NSL1: variants seen among roughly 807,000 people sequenced by gnomAD.
NSL1 encodes kinetochore-associated protein NSL1 homolog.
NSL1 carries 11 observed loss-of-function variants against 25.4 expected under a neutral mutation model. That is an observed-to-expected ratio of 0.43 (90% CI 0.27 to 0.72). The LOEUF is 0.72. Among genes scored for constraint, NSL1 ranks in the 30% least tolerant of loss-of-function variants. NSL1 has a pLI of 0.19. For synonymous variants in NSL1, 118 were observed against 120.6 expected (o/e 0.98, Z 0.14); for missense variants, 330 against 342.7 (o/e 0.96, Z 0.29).
rs1359876311 is a variant in NSL1 at position 212,734,058 on chromosome 1, AT to A, written c.*4349del. Among the ~76,000 whole-genome samples, 2 of 152,146 alleles carry A rather than the reference AT, an allele frequency of 1.3e-5. No homozygotes were observed. The highest frequency in any genetic ancestry group is 3.9e-4 in the East Asian group (2 of 5,192). ...ACTGAATTTTTATTTCAACTTTCAT[AT>A]TTTTAATTTTCAAAAACTTTTTCTT... On this transcript the variant is annotated 3_prime_UTR_variant, in exon 6 of 6. Coordinates refer to ENST00000366977, the MANE Select transcript of NSL1 (RefSeq NM_015471.4).
intron 4 of NSL1, chr1:212,763,956 C>G: frequency 2.6e-6 from 1 of 383,906 alleles, no homozygotes; most frequent in Non-Finnish European, 5.1e-6. Context: ...CAACATTCTT[C>G]CCAACAACTG....
chr1:212,785,464 A>G (rs916487760), intron 2 of NSL1, among the ~76,000 whole-genome samples: 1 of 152,034 alleles, frequency 6.6e-6, no homozygotes, highest in Non-Finnish European at 1.5e-5. Flanking sequence ...TACATTAGAT[A>G]TATCTCCTAA....
At chr1:212,765,065 A>G (rs577653429) in intron 4 of NSL1, among the ~76,000 whole-genome samples, 2 of 152,072 alleles carry the variant, frequency 1.3e-5, no homozygotes, top group African/African-American at 4.8e-5. Context: ...CAGACCAATA[A>G]CAAGCAGTGA....
At chr1:212,766,297 C>T in intron 4 of NSL1, 1 of 601,106 alleles carries the variant, frequency 1.7e-6, no homozygotes, top group Non-Finnish European at 2.9e-6. Context: ...AAGATGCCCA[C>T]TTTCACCACT....
intron 4 of NSL1, among the ~76,000 whole-genome samples, chr1:212,780,986 T>A (rs919495125): frequency 6.6e-6 from 1 of 152,188 alleles, no homozygotes; most frequent in Non-Finnish European, 1.5e-5. Flanking sequence ...ATGAAACTGA[T>A]GCTTGAAGAA....
chr1:212,729,032 T>A lies in NSL1; in HGVS notation c.*9376A>T. ...AGTCATTTGTCAATCTGAAATTTTT[T>A]TTAAAGGAAGAATACTTGGGTTGGG... is the stretch of plus-strand genomic sequence containing the variant. On this transcript the variant is annotated 3_prime_UTR_variant, in exon 6 of 6. Coordinates refer to ENST00000366977, the MANE Select transcript of NSL1 (RefSeq NM_015471.4). 1.0e-6 allele frequency: 1 copy of A among 985,428 alleles called. No individual in the cohort carries two copies. Among genetic ancestry groups the A allele is most frequent in the Non-Finnish European group, 1.2e-6 (1 of 829,912 alleles). 61.0% of individuals were successfully genotyped at this position (985,428 alleles called of 1,614,324 possible).
chr1:212,732,614 T>C lies in NSL1; in HGVS notation c.*5794A>G. ...CGGCCTACATAGTCTTATTCCAACC[T>C]GGTCTGCCTAGTCTCCAAATCTGCT... On this transcript the variant is annotated 3_prime_UTR_variant, in exon 6 of 6. Coordinates refer to ENST00000366977, the MANE Select transcript of NSL1 (RefSeq NM_015471.4). The C allele has an allele frequency of 1.0e-6, 1 of 985,360 alleles. No homozygotes were observed. The highest frequency in any genetic ancestry group is 1.2e-6 in the Non-Finnish European group (1 of 829,904). 61.0% of individuals were successfully genotyped at this position (985,360 alleles called of 1,614,324 possible).
At position 212,782,438 on chromosome 1, in the gene NSL1, ATAAAT is replaced by A. The variant is rs765835875; in HGVS notation, c.445-17_445-13del. 8 of 1,584,952 alleles carry A rather than the reference ATAAAT, an allele frequency of 5.0e-6. No individual in the cohort carries two copies. Among genetic ancestry groups the A allele is most frequent in the African/African-American group, 2.7e-5 (2 of 74,290 alleles). ...GGGTGGTACTGCTTCTAAACATAAC[ATAAAT>A]TAAAACAGATTTAATCACTTAATGC... On this transcript the variant is annotated splice_polypyrimidine_tract_variant and intron_variant, in intron 3 of 5. Transcript: ENST00000366977.
Position 212,784,466 on chromosome 1 carries a change from T to C in NSL1, c.341A>G (p.Gln114Arg), listed in dbSNP as rs768030757. 3 of 1,576,174 alleles carry C rather than the reference T, an allele frequency of 1.9e-6. No individual in the cohort carries two copies. Among genetic ancestry groups the C allele is most frequent in the Non-Finnish European group, 2.6e-6 (3 of 1,153,580 alleles). ...MDSDIKVLED[Q>R]FDEIIVDIAT... The stretch of plus-strand genomic sequence containing the variant: ...TATATCTACTATGATTTCATCAAAC[T>C]GATCTTCAAGTACTTTGATGTCAGA... The change falls in exon 3 of 6, where the codon CAG becomes CGG. Residue 114 changes from glutamine (Q) to arginine (R), a missense_variant. Gln to Arg is a conservative substitution (Grantham distance 43). Coordinates refer to ENST00000366977, the MANE Select transcript of NSL1 (RefSeq NM_015471.4).
At position 212,736,955 on chromosome 1, in the gene NSL1, T is replaced by A; in HGVS notation, c.*1453A>T. 6 of 984,560 alleles carry A rather than the reference T, an allele frequency of 6.1e-6. No homozygotes were observed. Among genetic ancestry groups the A allele is most frequent in the Non-Finnish European group, 7.2e-6 (6 of 829,134 alleles). 61.0% of individuals were successfully genotyped at this position (984,560 alleles called of 1,614,324 possible). ...ATAGAATTAACAATAACTCTTTTGT[T>A]TGGGGACCTCTGAAGTGAAACAAAT... On this transcript the variant is annotated 3_prime_UTR_variant, in exon 6 of 6. Coordinates refer to ENST00000366977, the MANE Select transcript of NSL1 (RefSeq NM_015471.4).
Position 212,727,311 on chromosome 1 carries a change from C to A in NSL1, c.*11097G>T. On this transcript the variant is annotated 3_prime_UTR_variant, in exon 6 of 6. Coordinates refer to ENST00000366977, the MANE Select transcript of NSL1 (RefSeq NM_015471.4). ...TTGTTCCAGGCAGGGCCCAGGATCC[C>A]CTTCCAAATTACTGAGGGGCAGTAA... 1 of 1,292,318 alleles carries A rather than the reference C, an allele frequency of 7.7e-7. No individual in the cohort carries two copies. Among genetic ancestry groups the A allele is most frequent in the South Asian group, 2.6e-5 (1 of 37,934 alleles). The allele number at this position is 1,292,318 out of a possible 1,614,324, so 80.1% of individuals were successfully genotyped here. A position where few individuals can be genotyped will look rare whatever the true frequency, so the allele number is the denominator to read the frequency against.
At chr1:212,775,336 A>C (rs1425464680) in intron 4 of NSL1, among the ~76,000 whole-genome samples, 1 of 152,222 alleles carries the variant, frequency 6.6e-6, no homozygotes, top group African/African-American at 2.4e-5. Context: ...ATGATGTTGC[A>C]TAACTCTGTG....
intron 4 of NSL1, among the ~76,000 whole-genome samples, chr1:212,771,530 C>T (rs1364821399): frequency 7.0e-6 from 1 of 143,844 alleles, no homozygotes. Context: ...CAGAAGGCTT[C>T]CAAACTGGAA....
intron 4 of NSL1, among the ~76,000 whole-genome samples, chr1:212,764,294 T>C (rs1659699676): frequency 6.6e-6 from 1 of 152,176 alleles, no homozygotes; most frequent in Middle Eastern, 3.2e-3. Flanking sequence ...AGAGGAAAGT[T>C]CACAGTGTTA....
At position 212,735,840 on chromosome 1, in the gene NSL1, C is replaced by A. The variant is rs1420628712; in HGVS notation, c.*2568G>T. On this transcript the variant is annotated 3_prime_UTR_variant, in exon 6 of 6. Coordinates refer to ENST00000366977, the MANE Select transcript of NSL1 (RefSeq NM_015471.4). ...TCGGGAAGACAGCCCTCACCAGAAA[C>A]TGCATTTGCCAGCACCTTCTCATGG... 3 of 616,348 alleles carry A rather than the reference C, an allele frequency of 4.9e-6. No individual in the cohort carries two copies. The highest frequency in any genetic ancestry group is 6.1e-6 in the Non-Finnish European group (3 of 493,010). The allele number at this position is 616,348 out of a possible 1,614,324, so 38.2% of individuals were successfully genotyped here.
At chr1:212,764,443 AC>A (rs1350333919) in intron 4 of NSL1, among the ~76,000 whole-genome samples, 1 of 152,228 alleles carries the variant, frequency 6.6e-6, no homozygotes, top group African/African-American at 2.4e-5. Context: ...TGAAATTGAA[AC>A]AAACAAAAAA....
At position 212,732,113 on chromosome 1, in the gene NSL1, T is replaced by C. The variant is rs974760368; in HGVS notation, c.*6295A>G. 1 of 983,974 alleles carries C rather than the reference T, an allele frequency of 1.0e-6. No individual in the cohort carries two copies. The highest frequency in any genetic ancestry group is 1.1e-4 in the East Asian group (1 of 8,814). The allele number at this position is 983,974 out of a possible 1,614,324, so 61.0% of individuals were successfully genotyped here. On this transcript the variant is annotated 3_prime_UTR_variant, in exon 6 of 6. Coordinates refer to ENST00000366977, the MANE Select transcript of NSL1 (RefSeq NM_015471.4). Reference sequence around the variant, plus strand: ...AATATTGTTCACTGGAGAACTAATTTGTAACCATGATTACATTTCTTTTTT... The same window carrying C: ...AATATTGTTCACTGGAGAACTAATTCGTAACCATGATTACATTTCTTTTTT...
Position 212,738,447 on chromosome 1 carries a change from C to A in NSL1, c.807G>T (p.Trp269Cys). ...TAATTTTCTTTGGCCGCAATGGATA[C>A]CATTTTCTCTGGGGGCAGTCTTTAG... ...KQTKDCPQRK[W>C]YPLRPKKINL... Residue 269 changes from tryptophan to cysteine, a missense_variant, in exon 6 of 6, where the codon TGG becomes TGT. Trp to Cys is a radical substitution (Grantham distance 215, BLOSUM62 -2). Coordinates refer to ENST00000366977, the MANE Select transcript of NSL1 (RefSeq NM_015471.4). 3 of 1,613,682 alleles carry A rather than the reference C, an allele frequency of 1.9e-6. No individual in the cohort carries two copies. Among genetic ancestry groups the A allele is most frequent in the Non-Finnish European group, 2.5e-6 (3 of 1,179,908 alleles).
intron 4 of NSL1, chr1:212,766,204 A>T: frequency 3.0e-6 from 2 of 658,394 alleles, no homozygotes; most frequent in South Asian, 3.3e-5. Context: ...AGTAATAAAA[A>T]CCATATATGA....
Sources: allele counts gnomAD v4.1 joint callset (sites outside exome capture counted in the v4.1 genomes callset), GRCh38; gene constraint gnomAD v4.1.1; transcripts MANE v1.5; gene names NCBI Gene and HGNC (gene_info 2026-07-23, HGNC 2026-07-21).